The following RALYL variants were observed in gnomAD, a reference collection of about 807,000 sequenced individuals.
RALYL encodes RALY RNA binding protein like, also known as RNA-binding Raly-like protein.
RALYL carries 29 observed loss-of-function variants against 35.1 expected under a neutral mutation model. The ratio of observed to expected loss-of-function variants is 0.83; its 90% confidence interval spans 0.61 to 1.13. The LOEUF (loss-of-function observed/expected upper bound fraction) is 1.13. Among genes scored for constraint, RALYL ranks in the 50% most tolerant of loss-of-function variants. The probability of loss-of-function intolerance (pLI) is 0.00; values close to 1 mark genes in which losing one functional copy is unlikely to be tolerated. For synonymous variants in RALYL, 120 were observed against 127.6 expected (o/e 0.94, Z 0.40); for missense variants, 359 against 360.4 (o/e 1.00, Z 0.03).
intron 2 of RALYL, among the ~76,000 whole-genome samples, chr8:84,689,144 T>A (rs571441787): frequency 2.6e-5 from 4 of 152,174 alleles, no homozygotes; most frequent in South Asian, 2.1e-4. Context: ...TAGTTACATA[T>A]GTATACATGT....
chr8:84,612,608 G>A (rs78419722), intron 2 of RALYL, among the ~76,000 whole-genome samples: 1,589 of 151,732 alleles, frequency 0.01, 56 homozygotes, highest in African/African-American at 0.037. Context: ...ATTCCTTTCC[G>A]GAGATAATAC....
chr8:84,356,736 C>T (rs1217972180), intron 1 of RALYL, among the ~76,000 whole-genome samples: 2 of 150,196 alleles, frequency 1.3e-5, no homozygotes, highest in African/African-American at 5.0e-5. Context: ...GATTAGTAAT[C>T]TGAAATGAAA....
intron 1 of RALYL, among the ~76,000 whole-genome samples, chr8:84,420,549 A>G (rs1332862435): frequency 7.0e-6 from 1 of 143,858 alleles, no homozygotes; most frequent in Non-Finnish European, 1.5e-5. Context: ...TCTTTAGTTT[A>G]ATTAGATCCC....
intron 1 of RALYL, among the ~76,000 whole-genome samples, chr8:84,379,386 G>A (rs1857511222): frequency 6.6e-6 from 1 of 151,884 alleles, no homozygotes; most frequent in African/African-American, 2.4e-5. Flanking sequence ...CACATATGGT[G>A]AGGTCAATAT....
At chr8:84,848,275 A>C (rs544673819) in intron 4 of RALYL, among the ~76,000 whole-genome samples, 2 of 152,276 alleles carry the variant, frequency 1.3e-5, no homozygotes, top group South Asian at 4.1e-4. Context: ...GAATGGGTAA[A>C]GAAAAAGTGA....
chr8:84,918,358 C>T (rs1249749455), intron 8 of RALYL, among the ~76,000 whole-genome samples: 1 of 151,932 alleles, frequency 6.6e-6, no homozygotes, highest in Non-Finnish European at 1.5e-5. Flanking sequence ...TTAATACTAT[C>T]CATTTCATCT....
At chr8:84,620,343 T>C (rs1821037201) in intron 2 of RALYL, among the ~76,000 whole-genome samples, 1 of 152,168 alleles carries the variant, frequency 6.6e-6, no homozygotes, top group South Asian at 2.1e-4. Context: ...TTTCATTCAT[T>C]TCATCTTCCA....
intron 2 of RALYL, among the ~76,000 whole-genome samples, chr8:84,548,413 A>G (rs890192271): frequency 2.0e-5 from 3 of 152,172 alleles, no homozygotes; most frequent in African/African-American, 7.2e-5. Flanking sequence ...TTTAATAGTT[A>G]CTACCATTTC....
Position 84,276,244 on chromosome 8 carries a change from C to T in RALYL, c.-24+91820C>T, listed in dbSNP as rs868751797. On this transcript the variant is annotated intron_variant, in intron 1 of 8. Coordinates refer to ENST00000521268, the MANE Select transcript of RALYL (RefSeq NM_173848.7). ...ACTTATTAGCTAATACGAATGTGGT[C>T]ATGATTCTACTGTTTTTGAATCCTA... 2.6e-5 allele frequency among the ~76,000 whole-genome samples: 4 copies of T among 152,074 alleles called. No homozygotes were observed. In the South Asian group the frequency reaches 8.3e-4, roughly 32 times the overall value.
chr8:84,679,583 G>T (rs911174838), intron 2 of RALYL: 3 of 442,448 alleles, frequency 6.8e-6, no homozygotes, highest in South Asian at 3.6e-5. Context: ...AACAAGAAAC[G>T]CCTGCCTTAT....
At chr8:84,600,258 A>G (rs953229339) in intron 2 of RALYL, among the ~76,000 whole-genome samples, 2 of 152,164 alleles carry the variant, frequency 1.3e-5, no homozygotes, top group Middle Eastern at 3.4e-3. Flanking sequence ...TTCATCAAAT[A>G]TCGTCCTTTT....
At position 84,364,207 on chromosome 8, in the gene RALYL, C is replaced by T. The variant is rs531532982; in HGVS notation, c.-23-165092C>T. On this transcript the variant is annotated intron_variant, in intron 1 of 8. Coordinates refer to ENST00000521268, the MANE Select transcript of RALYL (RefSeq NM_173848.7). Reference sequence around the variant, plus strand: ...GAGAGAAGAGAGGCATCAACCATCGCTTCTGACAAAATGAGGGAGGCTGCC... The same window carrying T: ...GAGAGAAGAGAGGCATCAACCATCGTTTCTGACAAAATGAGGGAGGCTGCC... 1.1e-4 allele frequency among the ~76,000 whole-genome samples: 16 copies of T among 152,258 alleles called. 2 individuals carry two copies. The South Asian group carries it at 3.1e-3, about 30-fold the overall frequency.
chr8:84,632,157 G>A lies in RALYL; in HGVS notation c.256+102580G>A, dbSNP rs1467519295. 2.6e-5 allele frequency among the ~76,000 whole-genome samples: 4 copies of A among 151,990 alleles called. No homozygotes were observed. In the South Asian group the frequency reaches 6.2e-4, roughly 24 times the overall value. ...TGCGAGAGGACAGCTGGAAGATGCC[G>A]TCTATGAACAAGAAGGCAGGACCTC... is the stretch of plus-strand genomic sequence containing the variant. On this transcript the variant is annotated intron_variant, in intron 2 of 8. Transcript: ENST00000521268.
intron 1 of RALYL, among the ~76,000 whole-genome samples, chr8:84,450,222 A>G (rs988499805): frequency 6.6e-6 from 1 of 151,960 alleles, no homozygotes; most frequent in South Asian, 2.1e-4. Context: ...TGCAGTTTAC[A>G]TATATATTAG....
At chr8:84,191,182 T>C (rs369548837) in intron 1 of RALYL, among the ~76,000 whole-genome samples, 1 of 145,704 alleles carries the variant, frequency 6.9e-6, no homozygotes, top group Non-Finnish European at 1.5e-5. Flanking sequence ...GTGTGTGTGA[T>C]TGTGTGTGTG....
chr8:84,362,731 TG>T (rs963775966), intron 1 of RALYL, among the ~76,000 whole-genome samples: 1 of 152,130 alleles, frequency 6.6e-6, no homozygotes, highest in African/African-American at 2.4e-5. Flanking sequence ...AACCAGTCCC[TG>T]GTGTAAAAAA....
intron 2 of RALYL, among the ~76,000 whole-genome samples, chr8:84,681,010 C>A (rs1175391046): frequency 6.6e-6 from 1 of 151,924 alleles, no homozygotes; most frequent in Admixed American, 6.6e-5. Flanking sequence ...TTTAATCCAT[C>A]TTGAATTAAT....
intron 5 of RALYL, among the ~76,000 whole-genome samples, chr8:84,855,533 C>A (rs1341630630): frequency 6.6e-6 from 1 of 152,144 alleles, no homozygotes; most frequent in Non-Finnish European, 1.5e-5. Context: ...CTTATCTTTT[C>A]TCTTTTACAC....
chr8:84,637,672 C>G (rs1159727398), intron 2 of RALYL, among the ~76,000 whole-genome samples: 3 of 151,820 alleles, frequency 2.0e-5, no homozygotes, highest in Admixed American at 2.0e-4. Context: ...GTCTGCATAT[C>G]TTGTTCTGGT....
Sources: gnomAD v4.1 joint callset for allele counts (sites outside exome capture counted in the v4.1 genomes callset) on GRCh38, gnomAD v4.1.1 for gene constraint, MANE v1.5 for transcripts, NCBI Gene and HGNC (gene_info 2026-07-23, HGNC 2026-07-21) for gene names.